MLKL: variants seen among roughly 807,000 people sequenced by gnomAD.
MLKL encodes the protein mixed lineage kinase domain like pseudokinase, also known as mixed lineage kinase domain-like protein.
In MLKL, 55 loss-of-function variants were observed where a neutral mutation model predicts 56.5. That is an observed-to-expected ratio of 0.97 (90% CI 0.78 to 1.22). The LOEUF (loss-of-function observed/expected upper bound fraction) is 1.22, where lower values mean the gene tolerates loss of function less well. Among genes scored for constraint, MLKL ranks in the 50% most tolerant of loss-of-function variants. The pLI is 0.00. For missense variants in MLKL, 694 were observed against 573.9 expected (o/e 1.21, Z -2.14); for synonymous variants, 251 against 208.3 (o/e 1.20, Z -1.76).
At chr16:74,678,659 T>A (rs1380179358) in intron 7 of MLKL, among the ~76,000 whole-genome samples, 1 of 152,076 alleles carries the variant, frequency 6.6e-6, no homozygotes, top group Non-Finnish European at 1.5e-5. Context: ...GGTGCATGGC[T>A]GTAATCCCAG....
At position 74,698,066 on chromosome 16, in the gene MLKL, G is replaced by A. The variant is rs879439062; in HGVS notation, c.-2-2307C>T. Among the ~76,000 whole-genome samples the A allele has an allele frequency of 3.6e-4, 55 of 151,956 alleles. 1 individual carries two copies. Among genetic ancestry groups the A allele is most frequent in the Admixed American group, 3.4e-3 (52 of 15,264 alleles). On this transcript the variant is annotated intron_variant, in intron 1 of 10. Coordinates refer to ENST00000308807, the MANE Select transcript of MLKL (RefSeq NM_152649.4). ...AAAAAAATACAAAAATTTGCTGGAT[G>A]TGGTGGTGCTTGCCTGTAGTCCCAG...
chr16:74,690,454 T>A (rs1960596142), intron 4 of MLKL, among the ~76,000 whole-genome samples: 2 of 151,576 alleles, frequency 1.3e-5, no homozygotes, highest in Non-Finnish European at 2.9e-5. Context: ...ATCTTTTTGG[T>A]GGGGAAAAGT....
At position 74,687,413 on chromosome 16, in the gene MLKL, T is replaced by TA. The variant is rs200354591; in HGVS notation, c.723-1831dup. Among the ~76,000 whole-genome samples the TA allele has an allele frequency of 6.2e-3, 903 of 145,108 alleles. 32 individuals carry two copies. In the East Asian group the frequency reaches 0.095, roughly 15 times the overall value. On this transcript the variant is annotated intron_variant, in intron 4 of 10. Transcript: ENST00000308807. The stretch of plus-strand genomic sequence containing the variant: ...ATCCTTACCCGATTTGTAGTTGGCT[T>TA]AAAAAAAAAAAGCAAAAACAAAAAC...
chr16:74,676,270 G>A, intron 7 of MLKL: 2 of 989,482 alleles, frequency 2.0e-6, no homozygotes, highest in South Asian at 4.6e-5. Flanking sequence ...CGTGACGAGT[G>A]TGAGTCATCC....
In MLKL at chr16:74,672,446, C is replaced by T; in HGVS notation, c.*58G>A. ...GAAGGATATGAGAGAGAGAGATGTCCAGTTTGTGCCTCTCCCAGCTTCTTG... is the reference window on the plus strand; with the variant it reads ...GAAGGATATGAGAGAGAGAGATGTCTAGTTTGTGCCTCTCCCAGCTTCTTG... On this transcript the variant is annotated 3_prime_UTR_variant, in exon 11 of 11. Coordinates refer to ENST00000308807, the MANE Select transcript of MLKL (RefSeq NM_152649.4). 6.1e-6 allele frequency: 9 copies of T among 1,484,548 alleles called. No homozygotes were observed. The highest frequency in any genetic ancestry group is 8.5e-6 in the Non-Finnish European group (9 of 1,064,170). The allele number at this position is 1,484,548 out of a possible 1,614,324, so 92.0% of individuals were successfully genotyped here.
chr16:74,694,137 C>T (rs574115186), intron 2 of MLKL, among the ~76,000 whole-genome samples: 1 of 152,260 alleles, frequency 6.6e-6, no homozygotes, highest in Admixed American at 6.5e-5. Flanking sequence ...ATGTGCTTGG[C>T]ATGATGCTGA....
At chr16:74,692,728 C>T (rs953166374) in intron 2 of MLKL, among the ~76,000 whole-genome samples, 5 of 152,232 alleles carry the variant, frequency 3.3e-5, no homozygotes, top group Non-Finnish European at 7.3e-5. Flanking sequence ...GGAAAGTTTG[C>T]GTCAACGCAG....
intron 6 of MLKL, among the ~76,000 whole-genome samples, chr16:74,679,414 C>T (rs891938751): frequency 6.6e-6 from 1 of 152,156 alleles, no homozygotes; most frequent in Non-Finnish European, 1.5e-5. Context: ...AAAGCCCCTG[C>T]GTCCCAGGTT....
chr16:74,699,392 G>A (rs1484787708), intron 1 of MLKL, among the ~76,000 whole-genome samples: 1 of 152,110 alleles, frequency 6.6e-6, no homozygotes, highest in African/African-American at 2.4e-5. Flanking sequence ...GGACTTGCCT[G>A]TATGAAATTA....
intron 5 of MLKL, among the ~76,000 whole-genome samples, chr16:74,684,736 C>T (rs1180761416): frequency 6.6e-6 from 1 of 152,108 alleles, no homozygotes; most frequent in Non-Finnish European, 1.5e-5. Flanking sequence ...CCTTGTGATC[C>T]ACCCACCTCA....
rs773111996 is a variant in MLKL, at chr16:74,695,601, C to T, written c.157G>A (p.Val53Met). 8 of 1,614,184 alleles carry T rather than the reference C, an allele frequency of 5.0e-6. No individual in the cohort carries two copies. The highest frequency in any genetic ancestry group is 5.9e-6 in the Non-Finnish European group (7 of 1,180,038). ...GCTGTGGTTAACTTCTCAGAGGGCA[C>T]GCTCCTCTTTCCTTGGTCCTGGAGC... is the stretch of plus-strand genomic sequence containing the variant. ...EMLQDQGKRS[V>M]PSEKLTTAMN... Residue 53 changes from valine (V) to methionine (M), a missense_variant, in exon 2 of 11, where the codon GTG (valine) becomes ATG (methionine). Coordinates refer to ENST00000308807, the MANE Select transcript of MLKL (RefSeq NM_152649.4).
At chr16:74,693,453 C>CAAAAAAA (rs71158538) in intron 2 of MLKL, among the ~76,000 whole-genome samples, 364 of 35,098 alleles carry the variant, frequency 0.01, 3 homozygotes, top group Non-Finnish European at 0.011. Context: ...GACTCTGTCT[C>CAAAAAAA]AAAAAAAAAA....
At chr16:74,699,514 A>G (rs1353400605) in intron 1 of MLKL, among the ~76,000 whole-genome samples, 1 of 152,242 alleles carries the variant, frequency 6.6e-6, no homozygotes, top group Non-Finnish European at 1.5e-5. Flanking sequence ...ATATACATAT[A>G]TACACACTTA....
At chr16:74,672,639 A>AT in intron 10 of MLKL, 101 bp from the exon 11 acceptor site, 2 of 1,089,992 alleles carry the variant, frequency 1.8e-6, no homozygotes, top group Non-Finnish European at 2.8e-6. Flanking sequence ...TAGAAACTGC[A>AT]TTCCCCCTGG....
rs539375207 is a variant in MLKL at position 74,673,332 on chromosome 16, C to G, written c.1382-794G>C. Among the ~76,000 whole-genome samples, 20 of 152,266 alleles carry G rather than the reference C, an allele frequency of 1.3e-4. 1 individual carries two copies. The South Asian group carries it at 4.1e-3, about 32-fold the overall frequency. On this transcript the variant is annotated intron_variant, in intron 10 of 10. Coordinates refer to ENST00000308807, the MANE Select transcript of MLKL (RefSeq NM_152649.4). The stretch of plus-strand genomic sequence containing the variant: ...TCTGGGGTTCAAGCAATTCTCCTGC[C>G]TCAGCTTCCTGAGTAGTTGGGATTA...
At chr16:74,697,773 G>A (rs895631009) in intron 1 of MLKL, among the ~76,000 whole-genome samples, 1 of 150,506 alleles carries the variant, frequency 6.6e-6, no homozygotes, top group African/African-American at 2.4e-5. Flanking sequence ...GAGCTATGAT[G>A]ACACCACTGC....
Position 74,695,377 on chromosome 16 carries a change from T to G in MLKL, c.381A>C (p.Ile127=). The G allele has an allele frequency of 6.2e-7, 1 of 1,614,228 alleles. No homozygotes were observed. Among genetic ancestry groups the G allele is most frequent in the Non-Finnish European group, 8.5e-7 (1 of 1,180,042 alleles). The change falls in exon 2 of 11, where the codon ATA becomes ATC. Residue 127 remains isoleucine, a synonymous_variant. Coordinates refer to ENST00000308807, the MANE Select transcript of MLKL (RefSeq NM_152649.4). The part of the protein sequence containing the change: ...QVEQRMPVSP[I]SQGASWAQED... ...CCTGTGCCCAGGACGCTCCTTGGCT[T>G]ATGGGTGAAACAGGCATGCGTTGCT...
intron 5 of MLKL, among the ~76,000 whole-genome samples, chr16:74,684,014 A>G (rs1232375763): frequency 1.3e-5 from 2 of 150,576 alleles, no homozygotes; most frequent in Non-Finnish European, 3.0e-5. Context: ...GTGGCATGAT[A>G]TTGGCTCACT....
At chr16:74,680,719 A>T (rs1959916654) in intron 6 of MLKL, among the ~76,000 whole-genome samples, 1 of 152,070 alleles carries the variant, frequency 6.6e-6, no homozygotes, top group Non-Finnish European at 1.5e-5. Context: ...GTTGGGCAGG[A>T]TGCTCTTGAT....
Sources: gnomAD v4.1 joint callset for allele counts (sites outside exome capture counted in the v4.1 genomes callset) on GRCh38, gnomAD v4.1.1 for gene constraint, MANE v1.5 for transcripts, NCBI Gene and HGNC (gene_info 2026-07-23, HGNC 2026-07-21) for gene names.